Variants in TPPP observed in about 807,000 individuals in gnomAD.
TPPP encodes the protein tubulin polymerization promoting protein.
Under a neutral mutation model 15.5 loss-of-function variants are expected in TPPP, and 6 were observed. That is an observed-to-expected ratio of 0.39 (90% CI 0.21 to 0.77). The LOEUF is 0.77. TPPP is among the 30% of genes least tolerant of loss of function. The pLI, the probability that TPPP is intolerant of heterozygous loss-of-function variation, is 0.42. For synonymous variants in TPPP, 146 were observed against 133.9 expected, an observed-to-expected ratio of 1.09 and a Z score of -0.63; for missense variants, 269 against 307.2, an observed-to-expected ratio of 0.88 and a Z score of 0.93.
At chr5:696,727 TGTGTGAGA>T (rs1451110990), upstream of TPPP, among the ~76,000 whole-genome samples, 2 of 64,478 alleles carry the variant, frequency 3.1e-5, no homozygotes, top group African/African-American at 5.9e-5. Context: ...TGTGCACCTG[TGTGTGAGA>T]GTGTGAGAGT....
chr5:662,117 C>T lies in TPPP; in HGVS notation c.*2985G>A, dbSNP rs1739647850. ...ATTTTCTCTCTCAGAGTGAAGGGAC[C>T]ACTTCTGTGAATGAGCTCACCTCCA... On this transcript the variant is annotated 3_prime_UTR_variant, in exon 4 of 4. Coordinates refer to ENST00000360578, the MANE Select transcript of TPPP (RefSeq NM_007030.3). The T allele has an allele frequency of 6.6e-6, 1 of 152,572 alleles. No homozygotes were observed. Among genetic ancestry groups the T allele is most frequent in the East Asian group, 1.9e-4 (1 of 5,296 alleles). 9.5% of individuals were successfully genotyped at this position (152,572 alleles called of 1,614,324 possible).
rs1561073282 is a variant in TPPP at position 660,225 on chromosome 5, AT to A, written c.*4876del. 5.3e-5 allele frequency: 8 copies of A among 151,420 alleles called. No individual in the cohort carries two copies. The highest frequency in any genetic ancestry group is 1.9e-4 in the East Asian group (1 of 5,178). 9.4% of individuals were successfully genotyped at this position (151,420 alleles called of 1,614,324 possible). On this transcript the variant is annotated 3_prime_UTR_variant, in exon 4 of 4. Coordinates refer to ENST00000360578, the MANE Select transcript of TPPP (RefSeq NM_007030.3). ...TGCACATATATATATATATATATATATATAAATTTGTTTCCCTTTCTTGAAA... is the reference window on the plus strand; with the variant it reads ...TGCACATATATATATATATATATATAATAAATTTGTTTCCCTTTCTTGAAA...
chr5:685,720 G>A (rs1428984869), intron 1 of TPPP, among the ~76,000 whole-genome samples: 1 of 152,226 alleles, frequency 6.6e-6, no homozygotes, highest in East Asian at 1.9e-4. Context: ...TCTGCAGAGT[G>A]TGGTCCTTGC....
chr5:698,762 G>A, the TPPP span, among the ~76,000 whole-genome samples: 1 of 151,900 alleles, frequency 6.6e-6, no homozygotes, highest in Non-Finnish European at 1.5e-5. Flanking sequence ...TGCGGACACA[G>A]CCAAACCGTA....
At chr5:669,974 T>G (rs1740150067) in intron 2 of TPPP, among the ~76,000 whole-genome samples, 1 of 151,952 alleles carries the variant, frequency 6.6e-6, no homozygotes. Context: ...TCATTGCCCA[T>G]GCTCTCCCCA....
In TPPP at chr5:661,476, C is replaced by T. The variant is rs567735059; in HGVS notation, c.*3626G>A. ...GGTGTCACCCCTGACAGAACCTGTCCCTCTCTCCTGGTTTGCAGGTTGTGC... is the reference window on the plus strand; with the variant it reads ...GGTGTCACCCCTGACAGAACCTGTCTCTCTCTCCTGGTTTGCAGGTTGTGC... On this transcript the variant is annotated 3_prime_UTR_variant, in exon 4 of 4. Transcript: ENST00000360578. 1 of 152,526 alleles carries T rather than the reference C, an allele frequency of 6.6e-6. No homozygotes were observed. The highest frequency in any genetic ancestry group is 1.5e-5 in the Non-Finnish European group (1 of 68,078). The allele number at this position is 152,526 out of a possible 1,614,324, so 9.4% of individuals were successfully genotyped here.
intron 2 of TPPP, 137 bp downstream of exon 2, chr5:677,613 C>T: frequency 1.3e-6 from 1 of 773,778 alleles, no homozygotes; most frequent in Non-Finnish European, 1.9e-6. Context: ...GTCAGGGCTG[C>T]TTCTGAGAAG....
rs1205782966 is a variant in TPPP at position 662,581 on chromosome 5, G to C, written c.*2521C>G. ...GGCGAGGTCCTCTGGAGTCATGTTC[G>C]TTCTGCGTGGCTTGGCCGTGACTGT... is the stretch of plus-strand genomic sequence containing the variant. On this transcript the variant is annotated 3_prime_UTR_variant, in exon 4 of 4. Transcript: ENST00000360578. 6.6e-6 allele frequency: 1 copy of C among 152,534 alleles called. No homozygotes were observed. The allele number at this position is 152,534 out of a possible 1,614,324, so 9.4% of individuals were successfully genotyped here.
chr5:665,420 G>A (rs540612998), intron 3 of TPPP, 124 bp from the exon 4 acceptor site: 2 of 843,228 alleles, frequency 2.4e-6, no homozygotes, highest in African/African-American at 3.4e-5. Flanking sequence ...CATAAACCCT[G>A]GGATTTATGC....
At position 683,831 on chromosome 5, in the gene TPPP, C is replaced by T. The variant is rs149517616; in HGVS notation, c.-4-5767G>A. On this transcript the variant is annotated intron_variant, in intron 1 of 3. Coordinates refer to ENST00000360578, the MANE Select transcript of TPPP (RefSeq NM_007030.3). The stretch of plus-strand genomic sequence containing the variant: ...GGGAGTGCATGCTGGGCAACCTTGG[C>T]GGTCCCTGGTCTTCTCTCCATGGGC... Among the ~76,000 whole-genome samples, 258 of 152,388 alleles carry T rather than the reference C, an allele frequency of 1.7e-3. 2 individuals carry two copies. Among genetic ancestry groups the T allele is most frequent in the Non-Finnish European group, 2.8e-3 (190 of 68,022 alleles).
chr5:677,460 T>C (rs1274499475), intron 2 of TPPP, among the ~76,000 whole-genome samples: 1 of 152,090 alleles, frequency 6.6e-6, no homozygotes, highest in Non-Finnish European at 1.5e-5. Context: ...CATCCCCTCA[T>C]AGGCCACCTC....
At chr5:671,495 C>T (rs1206340893) in intron 2 of TPPP, among the ~76,000 whole-genome samples, 1 of 152,234 alleles carries the variant, frequency 6.6e-6, no homozygotes, top group African/African-American at 2.4e-5. Context: ...CTCAAATGAC[C>T]TGTGTTGCCT....
intron 1 of TPPP, chr5:692,537 G>A (rs1740917332): frequency 1.0e-6 from 1 of 969,128 alleles, no homozygotes; most frequent in South Asian, 4.9e-5. Flanking sequence ...CCCCGCCACT[G>A]CCCGGGAGGG....
intron 2 of TPPP, among the ~76,000 whole-genome samples, chr5:675,347 G>A (rs1203180764): frequency 3.3e-4 from 28 of 84,774 alleles, no homozygotes; most frequent in Non-Finnish European, 5.5e-4. Flanking sequence ...GGCTGGGGGT[G>A]CAGTGTGGGG....
At chr5:686,171 C>T (rs1176736066) in intron 1 of TPPP, among the ~76,000 whole-genome samples, 1 of 152,240 alleles carries the variant, frequency 6.6e-6, no homozygotes, top group Non-Finnish European at 1.5e-5. Context: ...ACCAACAGAG[C>T]ATCCCAAAAG....
intron 2 of TPPP, among the ~76,000 whole-genome samples, chr5:676,896 C>T (rs1347711179): frequency 5.2e-5 from 5 of 96,334 alleles, no homozygotes; most frequent in African/African-American, 4.6e-4. Context: ...GACGCAGAAA[C>T]GCGCACGCGC....
chr5:688,434 C>T (rs1486460330), intron 1 of TPPP, among the ~76,000 whole-genome samples: 2 of 150,834 alleles, frequency 1.3e-5, no homozygotes, highest in Non-Finnish European at 3.0e-5. Context: ...GCAGTGTGCC[C>T]ACCACGTGGC....
upstream of TPPP, among the ~76,000 whole-genome samples, chr5:695,413 TAA>T (rs1740993786): frequency 7.3e-6 from 1 of 136,988 alleles, no homozygotes; most frequent in Non-Finnish European, 1.6e-5. Context: ...CAGCCTCCAT[TAA>T]CCCTGCAATT....
chr5:675,388 AGGGTGCAGTGTGGCCAG>A lies in TPPP; in HGVS notation c.311+2345_311+2361del, dbSNP rs1328393251. ...CAGTGTGGCCGGGGGTGCAGCGCAGAGGGTGCAGTGTGGCCAGGGGTGCAGTGTGGCCAGGGGTGCAG... is the reference window on the plus strand; with the variant it reads ...CAGTGTGGCCGGGGGTGCAGCGCAGAGGGTGCAGTGTGGCCAGGGGTGCAG... On this transcript the variant is annotated intron_variant, in intron 2 of 3. Coordinates refer to ENST00000360578, the MANE Select transcript of TPPP (RefSeq NM_007030.3). 8.0e-4 allele frequency among the ~76,000 whole-genome samples: 11 copies of A among 13,808 alleles called. No individual in the cohort carries two copies. The South Asian group carries it at 8.9e-3, about 11-fold the overall frequency. The allele number at this position is 13,808 out of a possible 152,430, so 9.1% of individuals were successfully genotyped here.
Sources: allele counts gnomAD v4.1 joint callset (sites outside exome capture counted in the v4.1 genomes callset), GRCh38; gene constraint gnomAD v4.1.1; transcripts MANE v1.5; gene names NCBI Gene and HGNC (gene_info 2026-07-23, HGNC 2026-07-21).